Variants in ATXN1 observed in about 807,000 individuals in gnomAD.
The protein encoded by ATXN1 is ataxin-1.
In ATXN1, 8 loss-of-function variants were observed where a neutral mutation model predicts 56.4. The ratio of observed to expected loss-of-function variants is 0.14; its 90% CI spans 0.08 to 0.26. The LOEUF (loss-of-function observed/expected upper bound fraction) is 0.26, where lower values mean the gene tolerates loss of function less well. Ranked by LOEUF, ATXN1 falls within the 10% of genes least tolerant of loss-of-function variation. ATXN1 has a pLI of 1.00. For missense variants in ATXN1, 987 were observed against 1,106.5 expected, an observed-to-expected ratio of 0.89 and a Z score of 1.53; for synonymous variants, 514 against 494.6, an observed-to-expected ratio of 1.04 and a Z score of -0.52.
intron 6 of ATXN1, among the ~76,000 whole-genome samples, chr6:16,469,329 C>G (rs1264792878): frequency 6.6e-6 from 1 of 152,196 alleles, no homozygotes; most frequent in African/African-American, 2.4e-5. Context: ...AAGACCTTAT[C>G]AGGGAGCAAT....
chr6:16,552,576 G>A (rs1303782116), intron 4 of ATXN1, among the ~76,000 whole-genome samples: 1 of 152,158 alleles, frequency 6.6e-6, no homozygotes, highest in African/African-American at 2.4e-5. Flanking sequence ...AAAATTAGAA[G>A]TGTAGGTGGG....
At chr6:16,352,942 C>G (rs1250789952) in intron 6 of ATXN1, among the ~76,000 whole-genome samples, 1 of 152,142 alleles carries the variant, frequency 6.6e-6, no homozygotes, top group Admixed American at 6.5e-5. Context: ...AACACAAGCA[C>G]TTCCATCCCA....
rs554127338 is a variant in ATXN1 at position 16,376,076 on chromosome 6, A to G, written c.-160-47606T>C. Among the ~76,000 whole-genome samples, 3 of 152,352 alleles carry G rather than the reference A, an allele frequency of 2.0e-5. No homozygotes were observed. The East Asian group carries it at 5.8e-4, about 29-fold the overall frequency. ...TTATTATTAGATTTTCTGCATGGTT[A>G]CATAAGCCTACAAAAGGGAAAAATG... On this transcript the variant is annotated intron_variant, in intron 6 of 7. Transcript: ENST00000436367.
intron 6 of ATXN1, among the ~76,000 whole-genome samples, chr6:16,458,118 G>A (rs757513449): frequency 2.6e-5 from 4 of 152,160 alleles, no homozygotes; most frequent in Admixed American, 2.0e-4. Flanking sequence ...CGAGAATTTG[G>A]AGATACCTGG....
intron 6 of ATXN1, among the ~76,000 whole-genome samples, chr6:16,467,420 T>C (rs1198059857): frequency 1.3e-5 from 2 of 152,198 alleles, no homozygotes; most frequent in African/African-American, 4.8e-5. Flanking sequence ...CAATCACCAG[T>C]GTCAGGTTTT....
At chr6:16,354,945 C>A (rs1467433245) in intron 6 of ATXN1, among the ~76,000 whole-genome samples, 2 of 152,330 alleles carry the variant, frequency 1.3e-5, no homozygotes, top group East Asian at 3.9e-4. Context: ...TGGCCAGAGG[C>A]CCTGACAGCT....
At chr6:16,494,057 C>T (rs1448120003) in intron 5 of ATXN1, among the ~76,000 whole-genome samples, 1 of 151,454 alleles carries the variant, frequency 6.6e-6, no homozygotes, top group Non-Finnish European at 1.5e-5. Context: ...GCAAACTGGG[C>T]CAAAAACACC....
intron 4 of ATXN1, among the ~76,000 whole-genome samples, chr6:16,576,714 G>A (rs1286816921): frequency 6.6e-6 from 1 of 151,890 alleles, no homozygotes; most frequent in Non-Finnish European, 1.5e-5. Context: ...CATATGTGTT[G>A]TGTCTTTGTG....
chr6:16,709,060 A>C (rs1759471502), intron 2 of ATXN1, among the ~76,000 whole-genome samples: 1 of 151,812 alleles, frequency 6.6e-6, no homozygotes, highest in African/African-American at 2.4e-5. Context: ...AAAAAGAGAA[A>C]GGAAGGAGGA....
intron 3 of ATXN1, among the ~76,000 whole-genome samples, chr6:16,636,259 T>C (rs995585958): frequency 3.3e-5 from 5 of 152,110 alleles, no homozygotes; most frequent in African/African-American, 9.7e-5. Flanking sequence ...TCCAGAGAGG[T>C]TGGTAACTTT....
chr6:16,563,731 A>C (rs1372060316), intron 4 of ATXN1, among the ~76,000 whole-genome samples: 1 of 152,144 alleles, frequency 6.6e-6, no homozygotes, highest in Admixed American at 6.5e-5. Context: ...TGAAGTCTTA[A>C]GGTGAGGAGA....
intron 6 of ATXN1, among the ~76,000 whole-genome samples, chr6:16,346,597 G>C (rs1561861028): frequency 1.3e-5 from 2 of 152,172 alleles, no homozygotes; most frequent in Admixed American, 6.5e-5. Context: ...TGTTAGACCG[G>C]GCTAACTGGC....
At chr6:16,463,910 C>T (rs1332857089) in intron 6 of ATXN1, among the ~76,000 whole-genome samples, 1 of 152,176 alleles carries the variant, frequency 6.6e-6, no homozygotes, top group Non-Finnish European at 1.5e-5. Flanking sequence ...ACAAATGGAA[C>T]CCCAAATGAG....
chr6:16,382,161 T>C (rs1196079489), intron 6 of ATXN1, among the ~76,000 whole-genome samples: 5 of 151,654 alleles, frequency 3.3e-5, no homozygotes, highest in Admixed American at 6.6e-5. Flanking sequence ...CTGGGCAACA[T>C]AGCAAGACCC....
chr6:16,317,651 A>G (rs1052556310), intron 7 of ATXN1, among the ~76,000 whole-genome samples: 6 of 152,014 alleles, frequency 3.9e-5, no homozygotes, highest in African/African-American at 1.4e-4. Context: ...TGTAAGCTTG[A>G]GGGCCCTCTG....
At chr6:16,318,054 A>G (rs1161954243) in intron 7 of ATXN1, among the ~76,000 whole-genome samples, 1 of 152,348 alleles carries the variant, frequency 6.6e-6, no homozygotes, top group Non-Finnish European at 1.5e-5. Context: ...TCTAAACACT[A>G]TGCACATACA....
chr6:16,312,023 C>T (rs771264333), intron 7 of ATXN1, among the ~76,000 whole-genome samples: 6 of 152,216 alleles, frequency 3.9e-5, no homozygotes, highest in Non-Finnish European at 4.4e-5. Context: ...CGGACACCTA[C>T]CCATGGAGAG....
chr6:16,341,312 A>G (rs932240105), intron 6 of ATXN1, among the ~76,000 whole-genome samples: 1 of 152,114 alleles, frequency 6.6e-6, no homozygotes, highest in African/African-American at 2.4e-5. Context: ...TACTAGGGCC[A>G]TACTCTCTCA....
intron 6 of ATXN1, among the ~76,000 whole-genome samples, chr6:16,472,650 ACT>A (rs918675121): frequency 6.6e-6 from 1 of 152,102 alleles, no homozygotes; most frequent in African/African-American, 2.4e-5. Context: ...TTTAACTAAG[ACT>A]CTGATAAAAA....
Sources: allele counts gnomAD v4.1 joint callset (sites outside exome capture counted in the v4.1 genomes callset), GRCh38; gene constraint gnomAD v4.1.1; transcripts MANE v1.5; gene names NCBI Gene and HGNC (gene_info 2026-07-23, HGNC 2026-07-21).